ELK4: variants seen among roughly 807,000 people sequenced by gnomAD.
ELK4 encodes the protein ETS transcription factor ELK4, also known as ETS domain-containing protein Elk-4.
A neutral mutation model predicts 29.6 loss-of-function variants in ELK4; 16 were observed. That is an observed-to-expected ratio of 0.54 (90% CI 0.37 to 0.82). The LOEUF is 0.82. Ranked by LOEUF, ELK4 falls within the 40% of genes least tolerant of loss-of-function variation. ELK4 has a pLI of 0.00. For missense variants in ELK4, 465 were observed against 507.1 expected (o/e 0.92, Z 0.80); for synonymous variants, 213 against 191.1 (o/e 1.11, Z -0.95).
At position 205,608,283 on chromosome 1, in the gene ELK4, T is replaced by G. The variant is rs1317816215; in HGVS notation, c.*8263A>C. On this transcript the variant is annotated 3_prime_UTR_variant, in exon 5 of 5. Transcript: ENST00000357992. ...GATGCACTGAGTATCAACTACACAT[T>G]TTTTTTTTCAAGCAGCATATTATTA... 1 of 195,492 alleles carries G rather than the reference T, an allele frequency of 5.1e-6. No individual in the cohort carries two copies. The highest frequency in any genetic ancestry group is 1.1e-5 in the Non-Finnish European group (1 of 94,258). The allele number at this position is 195,492 out of a possible 1,614,324, so 12.1% of individuals were successfully genotyped here.
chr1:205,629,184 A>AAAAAAAAAAAAAAAG (rs1457924284), intron 1 of ELK4, among the ~76,000 whole-genome samples: 1 of 151,374 alleles, frequency 6.6e-6, no homozygotes, highest in African/African-American at 2.4e-5. Context: ...AAAAAAAAAA[A>AAAAAAAAAAAAAAAG]AAAAGAAAAG....
At chr1:205,619,450 G>A (rs1670289726) in intron 3 of ELK4, 2 of 1,062,664 alleles carry the variant, frequency 1.9e-6, no homozygotes, top group Non-Finnish European at 1.1e-6. Flanking sequence ...AGGAATAATG[G>A]GTAACCAAGA....
At chr1:205,625,620 C>G in intron 1 of ELK4, 1 of 1,229,896 alleles carries the variant, frequency 8.1e-7, no homozygotes, top group East Asian at 2.3e-5. Flanking sequence ...AGACCTGGAC[C>G]AAAAGAAATA....
At chr1:205,619,564 C>T (rs1222981221) in intron 3 of ELK4, 2 of 1,172,148 alleles carry the variant, frequency 1.7e-6, no homozygotes, top group Admixed American at 8.6e-5. Flanking sequence ...ACTGTACCAA[C>T]TTGTTACTCA....
chr1:205,626,099 T>C, intron 1 of ELK4: 1 of 879,830 alleles, frequency 1.1e-6, no homozygotes, highest in Non-Finnish European at 1.9e-6. Context: ...AGGAACACCA[T>C]GAAGACTTCT....
At chr1:205,629,784 T>C (rs72750910) in intron 1 of ELK4, among the ~76,000 whole-genome samples, 22,296 of 151,706 alleles carry the variant, frequency 0.15, 2,314 homozygotes, top group Non-Finnish European at 0.23. Context: ...AAAAATTATG[T>C]GGTTGCTTCA....
At chr1:205,631,443 G>A (rs1319591996) in intron 1 of ELK4, among the ~76,000 whole-genome samples, 189 bp downstream of exon 1, 14 of 151,250 alleles carry the variant, frequency 9.3e-5, no homozygotes, top group Non-Finnish European at 1.5e-4. Flanking sequence ...GCGGTGCGCT[G>A]CGGCGTCCAC....
At chr1:205,616,795 TG>T in intron 4 of ELK4, 151 bp from the exon 5 acceptor site, 1 of 600,782 alleles carries the variant, frequency 1.7e-6, no homozygotes, top group South Asian at 2.7e-5. Context: ...AAGAATATGA[TG>T]TCATAACAAA....
rs181130836 is a variant in ELK4, at chr1:205,614,615, C to G, written c.*1931G>C. On this transcript the variant is annotated 3_prime_UTR_variant, in exon 5 of 5. Transcript: ENST00000357992. ...GTCTCCGACACTACAGATATAAAGG[C>G]AGCTCACTGAATATGTTCCCTCTAC... 4.4e-6 allele frequency: 1 copy of G among 227,898 alleles called. No individual in the cohort carries two copies. Among genetic ancestry groups the G allele is most frequent in the East Asian group, 6.3e-5 (1 of 15,822 alleles). 14.1% of individuals were successfully genotyped at this position (227,898 alleles called of 1,614,324 possible). A position where few individuals can be genotyped will look rare whatever the true frequency, so the allele number is the denominator to read the frequency against.
In ELK4 at chr1:205,612,952, GA is replaced by G. The variant is rs906815877; in HGVS notation, c.*3593del. Reference sequence around the variant, plus strand: ...CAAAATTTCAACTGTCAAAATGTGGGAAAAAATTAAACTCATATTTTAACTC... The same window carrying G: ...CAAAATTTCAACTGTCAAAATGTGGGAAAAATTAAACTCATATTTTAACTC... On this transcript the variant is annotated 3_prime_UTR_variant, in exon 5 of 5. Transcript: ENST00000357992. 1 of 204,838 alleles carries G rather than the reference GA, an allele frequency of 4.9e-6. No homozygotes were observed. Among genetic ancestry groups the G allele is most frequent in the East Asian group, 7.4e-5 (1 of 13,536 alleles). The allele number at this position is 204,838 out of a possible 1,614,324, so 12.7% of individuals were successfully genotyped here.
rs575089817 is a variant in ELK4, at chr1:205,621,673, C to A, written c.208-835G>T. 2.0e-5 allele frequency among the ~76,000 whole-genome samples: 3 copies of A among 152,176 alleles called. No homozygotes were observed. In the South Asian group the frequency reaches 6.2e-4, roughly 32 times the overall value. ...TAGGTGGGATTATAGGCACACATCA[C>A]CATGCCCAGCTAATTTTGTATTTTT... On this transcript the variant is annotated intron_variant, in intron 2 of 4. Transcript: ENST00000357992.
At chr1:205,619,895 A>G (rs1250006878) in intron 3 of ELK4, 71 bp downstream of exon 3, 2 of 1,614,216 alleles carry the variant, frequency 1.2e-6, no homozygotes, top group Middle Eastern at 1.6e-4. Flanking sequence ...TTGAGTGTAT[A>G]AATTCTGGAT....
intron 2 of ELK4, among the ~76,000 whole-genome samples, chr1:205,621,159 C>T (rs1670337948): frequency 7.3e-6 from 1 of 136,400 alleles, no homozygotes; most frequent in Admixed American, 8.0e-5. Flanking sequence ...CACACCACTG[C>T]ACTCCAGCCT....
chr1:205,617,268 CAGAG>C (rs1054730252), intron 4 of ELK4, among the ~76,000 whole-genome samples: 2 of 152,036 alleles, frequency 1.3e-5, no homozygotes, highest in Non-Finnish European at 2.9e-5. Context: ...AAATAAAAAG[CAGAG>C]AGATTTTTAA....
In ELK4 at chr1:205,614,595, C is replaced by T. The variant is rs1207807547; in HGVS notation, c.*1951G>A. On this transcript the variant is annotated 3_prime_UTR_variant, in exon 5 of 5. Transcript: ENST00000357992. ...CACAAATGAACCAGTAACAAGTCTC[C>T]GACACTACAGATATAAAGGCAGCTC... 3 of 227,864 alleles carry T rather than the reference C, an allele frequency of 1.3e-5. No individual in the cohort carries two copies. The highest frequency in any genetic ancestry group is 2.2e-5 in the African/African-American group (1 of 45,046). The allele number at this position is 227,864 out of a possible 1,614,324, so 14.1% of individuals were successfully genotyped here. A position where few individuals can be genotyped will look rare whatever the true frequency, so the allele number is the denominator to read the frequency against.
intron 4 of ELK4, among the ~76,000 whole-genome samples, chr1:205,618,195 A>G (rs1245527170): frequency 6.6e-6 from 1 of 151,820 alleles, no homozygotes; most frequent in Non-Finnish European, 1.5e-5. Context: ...TGCCTAACTT[A>G]ATTTTTTTTA....
chr1:205,619,665 G>A, intron 3 of ELK4: 3 of 1,379,252 alleles, frequency 2.2e-6, no homozygotes, highest in Non-Finnish European at 2.8e-6. Context: ...ACACCAACGA[G>A]TTTTATAAGA....
intron 2 of ELK4, among the ~76,000 whole-genome samples, chr1:205,621,144 A>G (rs1389236548): frequency 1.3e-5 from 2 of 149,740 alleles, no homozygotes; most frequent in Non-Finnish European, 3.0e-5. Context: ...GCAGTGAGCC[A>G]AGATCACACC....
At chr1:205,631,447 C>CGTCCACCTGTGCGCCGCGGT (rs1278373844) in intron 1 of ELK4, among the ~76,000 whole-genome samples, 185 bp downstream of exon 1, 5 of 151,504 alleles carry the variant, frequency 3.3e-5, no homozygotes, top group South Asian at 2.1e-4. Flanking sequence ...TGCGCTGCGG[C>CGTCCACCTGTGCGCCGCGGT]GTCCACCTGT....
Sources: allele counts gnomAD v4.1 joint callset (sites outside exome capture counted in the v4.1 genomes callset), GRCh38; gene constraint gnomAD v4.1.1; transcripts MANE v1.5; gene names NCBI Gene and HGNC (gene_info 2026-07-23, HGNC 2026-07-21).